The following FANK1 variants were observed in gnomAD, a reference collection of about 807,000 sequenced individuals.
FANK1 encodes the protein fibronectin type 3 and ankyrin repeat domains protein 1.
A neutral mutation model predicts 45.3 loss-of-function variants in FANK1; 44 were observed. That is an observed-to-expected ratio of 0.97 (90% CI 0.76 to 1.25). The LOEUF (loss-of-function observed/expected upper bound fraction) is 1.25. Among genes scored for constraint, FANK1 ranks in the 50% most tolerant of loss-of-function variants. The pLI is 0.00. For synonymous variants in FANK1, 149 were observed against 152.5 expected (o/e 0.98, Z 0.17); for missense variants, 391 against 424.4 (o/e 0.92, Z 0.69).
At chr10:125,913,324 C>T (rs1328855955) in intron 1 of FANK1, among the ~76,000 whole-genome samples, 2 of 150,854 alleles carry the variant, frequency 1.3e-5, no homozygotes, top group African/African-American at 5.0e-5. Flanking sequence ...ACTCAGGTGA[C>T]ACCTAAATGC....
chr10:125,912,789 C>G (rs1946131935), intron 1 of FANK1, among the ~76,000 whole-genome samples: 1 of 152,176 alleles, frequency 6.6e-6, no homozygotes, highest in Admixed American at 6.5e-5. Flanking sequence ...AGGTGCCCAC[C>G]ACCATGCCCA....
At chr10:125,947,173 A>T (rs1358841948) in intron 1 of FANK1, among the ~76,000 whole-genome samples, 4 of 152,094 alleles carry the variant, frequency 2.6e-5, no homozygotes, top group Non-Finnish European at 4.4e-5. Flanking sequence ...CAAAATGTAA[A>T]GACCATCAAG....
intron 2 of FANK1, 23 bp from the exon 3 acceptor site, chr10:125,988,528 C>T: frequency 1.2e-6 from 2 of 1,611,144 alleles, no homozygotes; most frequent in Non-Finnish European, 1.7e-6. Context: ...GTGTTATCAG[C>T]ATGTTTGTCT....
At chr10:125,919,513 C>CT (rs1946786613) in intron 1 of FANK1, among the ~76,000 whole-genome samples, 1 of 152,026 alleles carries the variant, frequency 6.6e-6, no homozygotes, top group Non-Finnish European at 1.5e-5. Flanking sequence ...GCTGCTGCTC[C>CT]TTTTTTTGTA....
intron 1 of FANK1, among the ~76,000 whole-genome samples, chr10:125,951,296 G>A (rs1344355742): frequency 6.6e-6 from 1 of 150,880 alleles, no homozygotes; most frequent in Admixed American, 6.6e-5. Context: ...GACTGGCCAA[G>A]ATCTTATAAC....
intron 1 of FANK1, among the ~76,000 whole-genome samples, chr10:125,934,724 G>GGTTT (rs1564888158): frequency 1.1e-4 from 3 of 26,418 alleles, no homozygotes; most frequent in Admixed American, 6.5e-4. Flanking sequence ...TACCCCTACC[G>GGTTT]TTTTTTTTTT....
At chr10:125,953,683 A>AT (rs1417911414) in intron 1 of FANK1, among the ~76,000 whole-genome samples, 5 of 152,180 alleles carry the variant, frequency 3.3e-5, no homozygotes, top group East Asian at 1.9e-4. Context: ...GCTAAGTTGT[A>AT]TTTTTTTCAT....
At chr10:125,963,367 A>G (rs886328339) in intron 1 of FANK1, among the ~76,000 whole-genome samples, 1 of 152,196 alleles carries the variant, frequency 6.6e-6, no homozygotes. Context: ...AACTAGAAAT[A>G]CCATTTGACC....
chr10:125,908,440 A>T (rs1350213937), intron 1 of FANK1, among the ~76,000 whole-genome samples: 1 of 152,246 alleles, frequency 6.6e-6, no homozygotes, highest in Non-Finnish European at 1.5e-5. Flanking sequence ...GAACAAAATA[A>T]TGGCATTTGC....
intron 6 of FANK1, among the ~76,000 whole-genome samples, chr10:125,999,198 CTTTT>C (rs34338283): frequency 6.4e-5 from 8 of 124,444 alleles, no homozygotes; most frequent in South Asian, 5.4e-4. Context: ...TAAAAAGTAT[CTTTT>C]TTTTTTTTTT....
At chr10:126,001,430 T>G (rs912775123) in intron 6 of FANK1, among the ~76,000 whole-genome samples, 2 of 151,970 alleles carry the variant, frequency 1.3e-5, no homozygotes, top group African/African-American at 4.8e-5. Context: ...AAAGACGGGA[T>G]TTTGTGTAGA....
At chr10:125,945,817 GAC>G (rs1463785542) in intron 1 of FANK1, among the ~76,000 whole-genome samples, 1 of 152,222 alleles carries the variant, frequency 6.6e-6, no homozygotes, top group Non-Finnish European at 1.5e-5. Flanking sequence ...CAAACAAAAA[GAC>G]AGCAGTAACC....
At chr10:125,933,800 T>C (rs1947903496) in intron 1 of FANK1, among the ~76,000 whole-genome samples, 1 of 152,170 alleles carries the variant, frequency 6.6e-6, no homozygotes, top group East Asian at 1.9e-4. Flanking sequence ...GCACCACCTT[T>C]GCTGTATCCA....
intron 5 of FANK1, among the ~76,000 whole-genome samples, chr10:125,997,031 T>C (rs7909936): frequency 0.7 from 106,335 of 152,064 alleles, 37,608 homozygotes; most frequent in East Asian, 0.78. Context: ...AGTATTAATA[T>C]GAATACCTCA....
chr10:126,004,631 A>G (rs923583634), intron 6 of FANK1: 7 of 425,882 alleles, frequency 1.6e-5, no homozygotes, highest in Non-Finnish European at 3.0e-5. Flanking sequence ...GTGGCCTTTC[A>G]TGGCTGGCAT....
intron 1 of FANK1, among the ~76,000 whole-genome samples, chr10:125,907,797 A>C (rs1945659944): frequency 1.3e-5 from 2 of 152,116 alleles, no homozygotes; most frequent in Admixed American, 1.3e-4. Context: ...CCTCCAGCCA[A>C]TACCCAATAA....
chr10:125,993,433 G>T (rs946595204), intron 3 of FANK1, among the ~76,000 whole-genome samples: 2 of 152,134 alleles, frequency 1.3e-5, no homozygotes, highest in African/African-American at 4.8e-5. Context: ...TATTAATCTA[G>T]CCCAGGGTTC....
At chr10:125,960,595 TG>T (rs1416140837) in intron 1 of FANK1, among the ~76,000 whole-genome samples, 1 of 152,238 alleles carries the variant, frequency 6.6e-6, no homozygotes, top group Non-Finnish European at 1.5e-5. Context: ...GGTGCGATCT[TG>T]GCTCACTGCA....
chr10:125,933,153 G>A (rs1432289559), intron 1 of FANK1, among the ~76,000 whole-genome samples: 1 of 152,084 alleles, frequency 6.6e-6, no homozygotes, highest in Admixed American at 6.6e-5. Context: ...ATATCGGTCT[G>A]TAGTTTTCTT....
Sources: allele counts gnomAD v4.1 joint callset (sites outside exome capture counted in the v4.1 genomes callset), GRCh38; gene constraint gnomAD v4.1.1; transcripts MANE v1.5; gene names NCBI Gene and HGNC (gene_info 2026-07-23, HGNC 2026-07-21).